Variants in FREM3 observed in about 807,000 individuals in gnomAD.
FREM3 encodes FRAS1-related extracellular matrix protein 3.
A neutral mutation model predicts 129.1 loss-of-function variants in FREM3; 105 were observed. That is an observed-to-expected ratio of 0.81 (90% CI 0.69 to 0.96). The LOEUF is 0.96. FREM3 is among the 40% of genes least tolerant of loss of function. FREM3 has a pLI of 0.00. For missense variants in FREM3, 2,593 were observed against 2,666.3 expected (o/e 0.97, Z 0.61); for synonymous variants, 1,014 against 1,044.9 (o/e 0.97, Z 0.57).
intron 2 of FREM3, among the ~76,000 whole-genome samples, chr4:143,638,288 T>C (rs1739267060): frequency 6.6e-6 from 1 of 152,128 alleles, no homozygotes; most frequent in South Asian, 2.1e-4. Context: ...AAAACGATTA[T>C]ATTAGCAGAA....
intron 2 of FREM3, among the ~76,000 whole-genome samples, chr4:143,677,031 G>C (rs1306376908): frequency 1.3e-5 from 2 of 152,078 alleles, no homozygotes; most frequent in African/African-American, 2.4e-5. Flanking sequence ...TCACTGAATT[G>C]GAAAAAACTA....
chr4:143,642,973 T>C (rs1739348182), intron 2 of FREM3, among the ~76,000 whole-genome samples: 1 of 152,118 alleles, frequency 6.6e-6, no homozygotes, highest in African/African-American at 2.4e-5. Flanking sequence ...AATAAACATT[T>C]CTCAAAAGAA....
intron 6 of FREM3, among the ~76,000 whole-genome samples, chr4:143,596,860 C>T (rs1177072633): frequency 6.6e-6 from 1 of 151,990 alleles, no homozygotes; most frequent in Non-Finnish European, 1.5e-5. Flanking sequence ...ATCACTTGAG[C>T]CCAGGAGATT....
chr4:143,695,730 C>T lies in FREM3; in HGVS notation c.4946G>A (p.Arg1649Lys). Residue 1649 changes from arginine (R) to lysine (K), a missense_variant, in exon 1 of 8, where the codon AGG (arginine) becomes AAG (lysine). Arg to Lys is a conservative substitution (Grantham distance 26). Around this residue, in one of 2 missense-constraint regions of FREM3, gnomAD observed 2,276 missense variants for 2,267.2 expected, o/e 1.00. Transcript: ENST00000329798. Reference sequence around the variant, plus strand: ...ATTGTCTAATGATCTTATCTGGACCCTCATTACTTGAGGTTTGTGTGTCGC... The same window carrying T: ...ATTGTCTAATGATCTTATCTGGACCTTCATTACTTGAGGTTTGTGTGTCGC... The part of the protein sequence containing the change: ...ALATHKPQVM[R>K]VQIRSLDNRL... 6.5e-7 allele frequency: 1 copy of T among 1,537,180 alleles called. No homozygotes were observed. The highest frequency in any genetic ancestry group is 8.7e-7 in the Non-Finnish European group (1 of 1,146,900).
At chr4:143,592,918 C>G (rs529403857) in intron 6 of FREM3, among the ~76,000 whole-genome samples, 1 of 152,202 alleles carries the variant, frequency 6.6e-6, no homozygotes, top group African/African-American at 2.4e-5. Flanking sequence ...TCCCATATTT[C>G]TTGGAGGCTT....
Position 143,585,913 on chromosome 4 carries a change from C to T in FREM3, c.6109G>A (p.Gly2037Ser). Residue 2037 changes from glycine to serine, a missense_variant, in exon 7 of 8, where the codon GGC (glycine) becomes AGC (serine). By Grantham distance (56) the Gly-to-Ser change is moderately conservative (BLOSUM62 0). Coordinates refer to ENST00000329798, the MANE Select transcript of FREM3 (RefSeq NM_001168235.2). This position sits in a 1 kb window ranked among gnomAD's most constrained non-coding sequence, Gnocchi z 4.2. The stretch of plus-strand genomic sequence containing the variant: ...GATGATGGTTGGGAAAGATCAGTGC[C>T]TCTTCTCCAAACACAAACCTCCACG... ...RYVEVCVWRR[G>S]TDLSQPSSIA... 1 of 1,537,422 alleles carries T rather than the reference C, an allele frequency of 6.5e-7. No homozygotes were observed. The highest frequency in any genetic ancestry group is 8.7e-7 in the Non-Finnish European group (1 of 1,146,954).
chr4:143,666,567 A>G (rs1477796706), intron 2 of FREM3, among the ~76,000 whole-genome samples: 1 of 152,178 alleles, frequency 6.6e-6, no homozygotes, highest in African/African-American at 2.4e-5. Flanking sequence ...CAAAGTGATG[A>G]TACATGTTAA....
At chr4:143,693,990 T>C (rs778326687) in intron 1 of FREM3, among the ~76,000 whole-genome samples, 6 of 152,112 alleles carry the variant, frequency 3.9e-5, no homozygotes, top group Non-Finnish European at 7.4e-5. Context: ...ACAGTGGTGT[T>C]TTCTTGAGGG....
intron 2 of FREM3, among the ~76,000 whole-genome samples, chr4:143,672,219 A>G (rs759498858): frequency 6.6e-6 from 1 of 152,254 alleles, no homozygotes; most frequent in Non-Finnish European, 1.5e-5. Flanking sequence ...CCCCAAAGGT[A>G]GAGAGTCCAA....
At chr4:143,671,284 T>C (rs929638852) in intron 2 of FREM3, among the ~76,000 whole-genome samples, 5 of 152,174 alleles carry the variant, frequency 3.3e-5, no homozygotes, top group Non-Finnish European at 7.4e-5. Flanking sequence ...CTATATCAAT[T>C]GAATTAACCA....
rs1180463644 is a variant in FREM3, at chr4:143,697,903, G to T, written c.2773C>A (p.His925Asn). The T allele has an allele frequency of 2.0e-6, 3 of 1,537,878 alleles. No homozygotes were observed. The highest frequency in any genetic ancestry group is 1.2e-5 in the South Asian group (1 of 84,056). The change falls in exon 1 of 8, where the codon CAT (histidine) becomes AAT (asparagine). Residue 925 changes from histidine (H) to asparagine (N), a missense_variant. His to Asn is a moderately conservative substitution (Grantham distance 68, BLOSUM62 1). This residue lies in a region of FREM3 where 2,276 missense variants were observed against 2,267.2 expected (regional missense o/e 1.00). Coordinates refer to ENST00000329798, the MANE Select transcript of FREM3 (RefSeq NM_001168235.2). ...GAAATTGGGATGGTGATGGGTATAT[G>T]GTGCACCCCATCACTTACTTCCAGA... ...FHLEVSDGVH[H>N]IPITIPISVH...
chr4:143,610,631 T>A (rs1237436281), intron 6 of FREM3, among the ~76,000 whole-genome samples: 1 of 152,192 alleles, frequency 6.6e-6, no homozygotes, highest in African/African-American at 2.4e-5. Flanking sequence ...AACAGTCTGA[T>A]CCTGGCCCTG....
intron 2 of FREM3, among the ~76,000 whole-genome samples, chr4:143,666,414 C>A (rs1324449581): frequency 6.6e-6 from 1 of 152,076 alleles, no homozygotes; most frequent in East Asian, 1.9e-4. Context: ...AAATCAGAGA[C>A]TCAAAGATAC....
chr4:143,662,631 A>G (rs371528593), intron 2 of FREM3, among the ~76,000 whole-genome samples: 6 of 151,776 alleles, frequency 4.0e-5, no homozygotes, highest in East Asian at 1.9e-4. Context: ...CAATTCCTGG[A>G]TATCCTTGTT....
intron 2 of FREM3, among the ~76,000 whole-genome samples, chr4:143,664,492 C>T (rs1328436053): frequency 1.3e-5 from 2 of 152,238 alleles, no homozygotes; most frequent in Non-Finnish European, 1.5e-5. Flanking sequence ...TCAGTCTGCC[C>T]CTACTGGGGG....
intron 2 of FREM3, among the ~76,000 whole-genome samples, chr4:143,658,311 A>C (rs974145163): frequency 6.6e-5 from 10 of 152,180 alleles, no homozygotes; most frequent in Non-Finnish European, 1.0e-4. Context: ...CTCTTCAACC[A>C]TTCAACAGCA....
At chr4:143,655,688 G>C (rs1220351028) in intron 2 of FREM3, among the ~76,000 whole-genome samples, 4 of 152,160 alleles carry the variant, frequency 2.6e-5, no homozygotes, top group Non-Finnish European at 5.9e-5. Context: ...CAAAAACCAT[G>C]TGGAAAAAAA....
intron 6 of FREM3, among the ~76,000 whole-genome samples, chr4:143,600,842 C>A (rs183793967): frequency 6.6e-5 from 10 of 152,082 alleles, no homozygotes; most frequent in Non-Finnish European, 1.2e-4. Context: ...GAAAAGACCA[C>A]GCACAGCCAA....
At chr4:143,623,055 C>T (rs1738982430) in intron 4 of FREM3, among the ~76,000 whole-genome samples, 1 of 152,170 alleles carries the variant, frequency 6.6e-6, no homozygotes, top group Admixed American at 6.5e-5. Context: ...AGCATATGAA[C>T]ACTACTTCTC....
Sources: gnomAD v4.1 joint callset for allele counts (sites outside exome capture counted in the v4.1 genomes callset) on GRCh38, gnomAD v4.1.1 for gene constraint, gnomAD v4.1.1 regional missense constraint, Gnocchi (gnomAD v3.1) non-coding constraint, MANE v1.5 for transcripts, NCBI Gene and HGNC (gene_info 2026-07-23, HGNC 2026-07-21) for gene names.